The following CSMD2 variants were observed in gnomAD, a reference collection of about 807,000 sequenced individuals.
CSMD2 encodes CUB and sushi domain-containing protein 2.
A neutral mutation model predicts 398.5 loss-of-function variants in CSMD2; 130 were observed. The observed-to-expected ratio is 0.33, with a 90% CI of 0.28 to 0.38. CSMD2 has a LOEUF of 0.38. CSMD2 is among the 10% of genes least tolerant of loss of function. The probability of loss-of-function intolerance (pLI) is 1.00; values close to 1 mark genes in which losing one functional copy is unlikely to be tolerated. For synonymous variants in CSMD2, 1,828 were observed against 1,908.5 expected, an observed-to-expected ratio of 0.96 and a Z score of 1.10; for missense variants, 3,829 against 4,764.9, an observed-to-expected ratio of 0.80 and a Z score of 5.78.
At chr1:33,739,093 C>T in intron 15 of CSMD2, 47 bp downstream of exon 15, 2 of 1,568,664 alleles carry the variant, frequency 1.3e-6, no homozygotes, top group Non-Finnish European at 1.7e-6. Flanking sequence ...CCCTCCCCAG[C>T]CTCTCTGGCT....
intron 9 of CSMD2, among the ~76,000 whole-genome samples, chr1:33,815,927 A>G (rs912239077): frequency 6.6e-5 from 10 of 152,206 alleles, no homozygotes; most frequent in Non-Finnish European, 1.5e-5. Flanking sequence ...ATCTGAAAAT[A>G]GAACTCTGGA....
intron 1 of CSMD2, among the ~76,000 whole-genome samples, chr1:34,120,369 T>C (rs1451716979): frequency 6.6e-6 from 1 of 152,178 alleles, no homozygotes; most frequent in Non-Finnish European, 1.5e-5. Flanking sequence ...TAGAGTTCTA[T>C]GTGCACAATA....
chr1:33,814,846 T>G (rs764288555), intron 9 of CSMD2, among the ~76,000 whole-genome samples: 1 of 152,194 alleles, frequency 6.6e-6, no homozygotes, highest in Non-Finnish European at 1.5e-5. Context: ...ACCATTGTCC[T>G]ACATCATAGG....
chr1:33,889,796 C>CGT (rs901581975), intron 5 of CSMD2, among the ~76,000 whole-genome samples: 2 of 145,486 alleles, frequency 1.4e-5, no homozygotes, highest in East Asian at 2.0e-4. Context: ...CATGCGCCAG[C>CGT]GTGTGTGTGT....
chr1:33,969,053 G>A (rs775758128), intron 3 of CSMD2, among the ~76,000 whole-genome samples: 2 of 152,116 alleles, frequency 1.3e-5, no homozygotes, highest in Admixed American at 1.3e-4. Flanking sequence ...CACTCCCAGC[G>A]TTGTTCACTT....
intron 53 of CSMD2, among the ~76,000 whole-genome samples, chr1:33,566,382 G>A (rs183667075): frequency 1.1e-4 from 16 of 151,844 alleles, no homozygotes; most frequent in African/African-American, 3.1e-4. Flanking sequence ...AGTCAAATAC[G>A]TAGAAACAGA....
At chr1:34,122,089 T>C (rs1662248650) in intron 1 of CSMD2, among the ~76,000 whole-genome samples, 1 of 151,834 alleles carries the variant, frequency 6.6e-6, no homozygotes, top group Admixed American at 6.6e-5. Context: ...GAACAACGGT[T>C]CTAAATTTGG....
chr1:33,764,523 A>G (rs1650240113), intron 13 of CSMD2, among the ~76,000 whole-genome samples: 1 of 152,204 alleles, frequency 6.6e-6, no homozygotes, highest in African/African-American at 2.4e-5. Context: ...ACTGGATAAC[A>G]GAGGGAGGGA....
At chr1:33,556,443 C>T (rs1016196322) in intron 55 of CSMD2, among the ~76,000 whole-genome samples, 1 of 152,154 alleles carries the variant, frequency 6.6e-6, no homozygotes, top group Non-Finnish European at 1.5e-5. Context: ...TATAATCTGC[C>T]AAAGGTAGGT....
chr1:33,908,085 CAAAAAAAAAAAAA>C (rs35932181), intron 5 of CSMD2, among the ~76,000 whole-genome samples: 1 of 77,166 alleles, frequency 1.3e-5, no homozygotes, highest in Admixed American at 1.5e-4. Flanking sequence ...GACTCCATCT[CAAAAAAAAAAAAA>C]AAAAAAAAAG....
chr1:33,763,576 G>T (rs146544043), intron 13 of CSMD2, among the ~76,000 whole-genome samples: 6 of 152,170 alleles, frequency 3.9e-5, no homozygotes, highest in Non-Finnish European at 8.8e-5. Context: ...ACTCACACTG[G>T]CCTGGCAGGG....
chr1:33,592,625 G>C, intron 44 of CSMD2: 1 of 659,840 alleles, frequency 1.5e-6, no homozygotes, highest in Non-Finnish European at 2.8e-6. Context: ...GCATCTTTCT[G>C]CAACCTTCCT....
chr1:34,165,137 G>A lies in CSMD2; in HGVS notation c.-40C>T. The A allele has an allele frequency of 8.3e-7, 1 of 1,210,256 alleles. No individual in the cohort carries two copies. The highest frequency in any genetic ancestry group is 1.0e-6 in the Non-Finnish European group (1 of 973,902). 75.0% of individuals were successfully genotyped at this position (1,210,256 alleles called of 1,614,324 possible). A position where few individuals can be genotyped will look rare whatever the true frequency, so the allele number is the denominator to read the frequency against. ...CGCCGAGGGAGAGGCTCCGCTCGCCGCCGAGGAGAAAGGAGGTCAGGAGAG... is the reference window on the plus strand; with the variant it reads ...CGCCGAGGGAGAGGCTCCGCTCGCCACCGAGGAGAAAGGAGGTCAGGAGAG... On this transcript the variant is annotated 5_prime_UTR_variant, in exon 1 of 71. Coordinates refer to ENST00000373381, the MANE Select transcript of CSMD2 (RefSeq NM_001281956.2).
intron 3 of CSMD2, among the ~76,000 whole-genome samples, chr1:34,030,558 T>C (rs899680141): frequency 2.0e-5 from 3 of 152,234 alleles, no homozygotes; most frequent in Non-Finnish European, 4.4e-5. Context: ...TCTAATGTCA[T>C]GGAGTTTACA....
intron 43 of CSMD2, among the ~76,000 whole-genome samples, chr1:33,601,337 G>C (rs1640204216): frequency 6.6e-6 from 1 of 152,166 alleles, no homozygotes; most frequent in Non-Finnish European, 1.5e-5. Context: ...GCAGCACTAG[G>C]ACAGGGCTGA....
intron 39 of CSMD2, among the ~76,000 whole-genome samples, chr1:33,616,511 T>C (rs765044786): frequency 6.6e-6 from 1 of 152,242 alleles, no homozygotes. Flanking sequence ...GTGCTGGGAT[T>C]ACAGGCATGA....
intron 51 of CSMD2, 136 bp from the exon 52 acceptor site, chr1:33,569,683 G>T: frequency 1.1e-6 from 1 of 869,692 alleles, no homozygotes; most frequent in Non-Finnish European, 1.7e-6. Flanking sequence ...AATATGGGTT[G>T]TGTTGCTGAC....
At chr1:33,949,003 T>C (rs1305497227) in intron 3 of CSMD2, among the ~76,000 whole-genome samples, 5 of 152,176 alleles carry the variant, frequency 3.3e-5, no homozygotes, top group African/African-American at 4.8e-5. Context: ...ACTGGTTGTA[T>C]AACAGGTATG....
At chr1:34,068,071 A>G (rs564971068) in intron 2 of CSMD2, among the ~76,000 whole-genome samples, 20 of 152,216 alleles carry the variant, frequency 1.3e-4, no homozygotes, top group Non-Finnish European at 2.8e-4. Context: ...CTAGACAGAC[A>G]CAAGTGTTAG....
Sources: gnomAD v4.1 joint callset for allele counts (sites outside exome capture counted in the v4.1 genomes callset) on GRCh38, gnomAD v4.1.1 for gene constraint, MANE v1.5 for transcripts, NCBI Gene and HGNC (gene_info 2026-07-23, HGNC 2026-07-21) for gene names.